ACTR3C: variants seen among roughly 807,000 people sequenced by gnomAD.
The protein encoded by ACTR3C is actin related protein 3C.
In ACTR3C, 18 loss-of-function variants were observed where a neutral mutation model predicts 26.3. That is an observed-to-expected ratio of 0.68 (90% CI 0.47 to 1.01). The LOEUF (loss-of-function observed/expected upper bound fraction) is 1.01, where lower values mean the gene tolerates loss of function less well. Among genes scored for constraint, ACTR3C ranks in the 50% least tolerant of loss-of-function variants. The pLI is 0.00. For synonymous variants in ACTR3C, 55 were observed against 94.5 expected (o/e 0.58, Z 2.42); for missense variants, 184 against 250.7 (o/e 0.73, Z 1.80).
chr7:150,088,593 G>A, the ACTR3C span, among the ~76,000 whole-genome samples: 13,403 of 152,146 alleles, frequency 0.088, 806 homozygotes, highest in Middle Eastern at 0.17. Flanking sequence ...CTTGTGAAAC[G>A]GAGATAACAC....
chr7:150,071,933 G>T, the ACTR3C span, among the ~76,000 whole-genome samples: 1 of 145,998 alleles, frequency 6.8e-6, no homozygotes, highest in Admixed American at 6.7e-5. Context: ...AGCAGGCGGA[G>T]AGGGGCCTAC....
At chr7:150,169,326 T>A in the ACTR3C span, among the ~76,000 whole-genome samples, 1 of 143,304 alleles carries the variant, frequency 7.0e-6, no homozygotes, top group Non-Finnish European at 1.5e-5. Flanking sequence ...GAGCTTGTAG[T>A]GAGCCAAGAT....
At chr7:149,913,454 T>A in the ACTR3C span, among the ~76,000 whole-genome samples, 160 of 152,228 alleles carry the variant, frequency 1.1e-3, 1 homozygote, top group South Asian at 0.032. Context: ...GTTTACCTAT[T>A]AGTTACAGGA....
the ACTR3C span, among the ~76,000 whole-genome samples, chr7:149,998,306 G>A: frequency 2.3e-3 from 344 of 150,682 alleles, 6 homozygotes; most frequent in Non-Finnish European, 3.4e-3. Context: ...GCCTAGACCT[G>A]AGTCTCACTT....
At chr7:150,126,096 G>T in the ACTR3C span, among the ~76,000 whole-genome samples, 3 of 152,212 alleles carry the variant, frequency 2.0e-5, no homozygotes, top group African/African-American at 7.2e-5. Flanking sequence ...CCTGAAATGA[G>T]ACTAGATGTG....
At chr7:150,044,410 C>A in the ACTR3C span, among the ~76,000 whole-genome samples, 6 of 151,910 alleles carry the variant, frequency 3.9e-5, no homozygotes, top group Admixed American at 3.3e-4. Context: ...TTAAATAAAT[C>A]TAAGATTTAC....
downstream of ACTR3C, among the ~76,000 whole-genome samples, chr7:150,240,628 T>C (rs1035173392): frequency 3.3e-5 from 5 of 152,140 alleles, no homozygotes; most frequent in African/African-American, 7.2e-5. Context: ...AAATGTGATA[T>C]GGGTATAAAA....
At chr7:149,962,855 C>T in the ACTR3C span, among the ~76,000 whole-genome samples, 13 of 152,186 alleles carry the variant, frequency 8.5e-5, no homozygotes, top group South Asian at 2.1e-4. Context: ...CACTCCTTCA[C>T]GCCAAACTGC....
chr7:150,009,702 G>A, the ACTR3C span, among the ~76,000 whole-genome samples: 3 of 152,208 alleles, frequency 2.0e-5, no homozygotes, highest in Non-Finnish European at 4.4e-5. Context: ...CTCTTGGCTT[G>A]GATTAGGGAC....
chr7:150,022,613 T>C, the ACTR3C span, among the ~76,000 whole-genome samples: 2 of 152,110 alleles, frequency 1.3e-5, no homozygotes, highest in Non-Finnish European at 2.9e-5. Flanking sequence ...CTTATGCCAA[T>C]TCCTCTTATG....
the ACTR3C span, among the ~76,000 whole-genome samples, chr7:150,143,450 A>C: frequency 6.6e-6 from 1 of 152,144 alleles, no homozygotes; most frequent in Non-Finnish European, 1.5e-5. Flanking sequence ...TTTTGCAAAC[A>C]TAATTTACAT....
the ACTR3C span, among the ~76,000 whole-genome samples, chr7:150,038,194 T>A: frequency 3.5e-5 from 5 of 143,398 alleles, no homozygotes; most frequent in African/African-American, 1.3e-4. Context: ...AGAATCAGCT[T>A]ATTTGCTTCT....
chr7:149,886,957 CAAAAA>C, the ACTR3C span, among the ~76,000 whole-genome samples: 5 of 136,178 alleles, frequency 3.7e-5, no homozygotes, highest in African/African-American at 7.8e-5. Context: ...GAGACTGACT[CAAAAA>C]AAAAAAAAAA....
At chr7:150,035,759 G>C in the ACTR3C span, among the ~76,000 whole-genome samples, 1,029 of 120,226 alleles carry the variant, frequency 8.6e-3, 111 homozygotes, top group Middle Eastern at 0.038. Context: ...CGGGGGGTGC[G>C]TCCCCCCTCT....
intron 1 of ACTR3C, among the ~76,000 whole-genome samples, chr7:150,309,448 C>T (rs1257651723): frequency 4.6e-5 from 7 of 152,206 alleles, no homozygotes; most frequent in African/African-American, 7.2e-5. Context: ...TAATCAACCT[C>T]GCCTTCAAGG....
At chr7:149,961,420 C>T in the ACTR3C span, among the ~76,000 whole-genome samples, 7 of 152,094 alleles carry the variant, frequency 4.6e-5, no homozygotes, top group Non-Finnish European at 8.8e-5. Context: ...AGTGTATGCT[C>T]ACAGGAAGTA....
At chr7:150,257,570 G>A (rs1240490442) in intron 6 of ACTR3C, among the ~76,000 whole-genome samples, 3 of 152,190 alleles carry the variant, frequency 2.0e-5, no homozygotes, top group African/African-American at 7.2e-5. Flanking sequence ...GAATGAATTA[G>A]CTGTTTTGTA....
the ACTR3C span, among the ~76,000 whole-genome samples, chr7:150,225,007 G>GTT: frequency 1.3e-5 from 1 of 79,848 alleles, no homozygotes; most frequent in Non-Finnish European, 2.4e-5. Flanking sequence ...CCCCATTAGT[G>GTT]TGTGTGTGTG....
At chr7:150,290,886 T>A (rs1469900461) in intron 3 of ACTR3C, among the ~76,000 whole-genome samples, 1 of 152,212 alleles carries the variant, frequency 6.6e-6, no homozygotes, top group African/African-American at 2.4e-5. Flanking sequence ...TAAATAAATA[T>A]CAGCTCATGA....
Sources: gnomAD v4.1 joint callset for allele counts (sites outside exome capture counted in the v4.1 genomes callset) on GRCh38, gnomAD v4.1.1 for gene constraint, MANE v1.5 for transcripts, NCBI Gene and HGNC (gene_info 2026-07-23, HGNC 2026-07-21) for gene names.